Variants in HPSE2 observed in about 807,000 individuals in gnomAD.
HPSE2 encodes heparanase 2 (inactive), also known as inactive heparanase-2.
A neutral mutation model predicts 60.5 loss-of-function variants in HPSE2; 38 were observed. That is an observed-to-expected ratio of 0.63 (90% CI 0.48 to 0.82). HPSE2 has a LOEUF of 0.82. Among genes scored for constraint, HPSE2 ranks in the 40% least tolerant of loss-of-function variants. HPSE2 has a pLI of 0.00. For synonymous variants in HPSE2, 295 were observed against 293.2 expected (o/e 1.01, Z -0.06); for missense variants, 713 against 740.4 (o/e 0.96, Z 0.43).
At chr10:98,946,472 CAA>C (rs61591255) in intron 3 of HPSE2, among the ~76,000 whole-genome samples, 20,940 of 93,008 alleles carry the variant, frequency 0.23, 2,113 homozygotes, top group African/African-American at 0.37. Context: ...GACCCTCACT[CAA>C]AAAAAAAAAA....
chr10:98,776,080 C>G (rs764031067), intron 3 of HPSE2, among the ~76,000 whole-genome samples: 23 of 152,212 alleles, frequency 1.5e-4, no homozygotes, highest in Non-Finnish European at 2.5e-4. Context: ...CCACAGCCTT[C>G]CCATTTAGCA....
chr10:98,467,738 A>T (rs1940602422), intron 11 of HPSE2, among the ~76,000 whole-genome samples: 1 of 152,246 alleles, frequency 6.6e-6, no homozygotes. Flanking sequence ...AGGCCGGGAG[A>T]TGTGCCCTGC....
At chr10:99,292,992 C>T in the HPSE2 span, among the ~76,000 whole-genome samples, 17 of 152,250 alleles carry the variant, frequency 1.1e-4, no homozygotes, top group African/African-American at 2.6e-4. Flanking sequence ...TCTCTATTTT[C>T]GCCTCTCCCT....
chr10:98,782,919 T>TATTA (rs1283728955), intron 3 of HPSE2, among the ~76,000 whole-genome samples: 4 of 44,370 alleles, frequency 9.0e-5, no homozygotes, highest in Non-Finnish European at 1.6e-4. Context: ...TTTATTTTTT[T>TATTA]TTTTTTATTT....
At chr10:99,280,766 C>T in the HPSE2 span, among the ~76,000 whole-genome samples, 1 of 152,188 alleles carries the variant, frequency 6.6e-6, no homozygotes, top group Non-Finnish European at 1.5e-5. Context: ...TATTAAAATT[C>T]CAGCTCTGGA....
intron 9 of HPSE2, among the ~76,000 whole-genome samples, chr10:98,571,747 A>C (rs1003691820): frequency 6.6e-6 from 1 of 152,170 alleles, no homozygotes; most frequent in African/African-American, 2.4e-5. Flanking sequence ...CCTTCGAGAC[A>C]AAGTTCCATA....
chr10:98,872,599 T>A (rs2134836923), intron 3 of HPSE2, among the ~76,000 whole-genome samples: 1 of 152,288 alleles, frequency 6.6e-6, no homozygotes, highest in Non-Finnish European at 1.5e-5. Flanking sequence ...CTAGTTATAC[T>A]TTTTAATCCA....
rs1206874409 is a variant in HPSE2 at position 99,232,471 on chromosome 10, A to G, written c.325T>C (p.Ser109Pro). ...KRLVTLARGL[S>P]PAFLRFGGKR... is the part of the protein sequence containing the mutation. ...CCCCCGAAGCGCAGAAAGGCGGGCG[A>G]AAGTCCCCGGGCCAGGGTCACCAAG... Residue 109 changes from serine to proline, a missense_variant, in exon 2 of 12, where the codon TCG (serine) becomes CCG (proline). Ser to Pro is a moderately conservative substitution (Grantham distance 74, BLOSUM62 -1). Coordinates refer to ENST00000370552, the MANE Select transcript of HPSE2 (RefSeq NM_021828.5). The G allele has an allele frequency of 1.3e-6, 2 of 1,556,940 alleles. No homozygotes were observed. The highest frequency in any genetic ancestry group is 1.7e-6 in the Non-Finnish European group (2 of 1,150,400).
chr10:99,114,571 T>C (rs774655492), intron 3 of HPSE2, among the ~76,000 whole-genome samples: 1 of 152,042 alleles, frequency 6.6e-6, no homozygotes, highest in Non-Finnish European at 1.5e-5. Context: ...AAGACAAAGT[T>C]TCAACAACTT....
At chr10:98,459,930 C>T (rs889642461) in intron 11 of HPSE2, among the ~76,000 whole-genome samples, 191 bp from the exon 12 acceptor site, 2 of 152,106 alleles carry the variant, frequency 1.3e-5, no homozygotes, top group African/African-American at 4.8e-5. Context: ...CCAACAACCC[C>T]CCCACTCCCC....
intron 9 of HPSE2, among the ~76,000 whole-genome samples, chr10:98,607,421 G>A (rs1359552791): frequency 1.3e-5 from 2 of 152,168 alleles, no homozygotes; most frequent in African/African-American, 4.8e-5. Flanking sequence ...TTCACATAAT[G>A]TGCTGTCATT....
At chr10:98,705,298 A>G (rs1177070065) in intron 5 of HPSE2, among the ~76,000 whole-genome samples, 2 of 152,220 alleles carry the variant, frequency 1.3e-5, no homozygotes, top group African/African-American at 2.4e-5. Flanking sequence ...ATGCTTTTAC[A>G]CTGTTGGTGG....
chr10:99,067,817 A>T (rs979909214), intron 3 of HPSE2, among the ~76,000 whole-genome samples: 1 of 152,124 alleles, frequency 6.6e-6, no homozygotes, highest in Non-Finnish European at 1.5e-5. Flanking sequence ...AATTATGCAA[A>T]TTTCTGCAGC....
chr10:99,070,713 T>G (rs1842760601), intron 3 of HPSE2, among the ~76,000 whole-genome samples: 1 of 152,188 alleles, frequency 6.6e-6, no homozygotes. Flanking sequence ...CTGATTCCAT[T>G]GGTTTGGCTA....
intron 9 of HPSE2, among the ~76,000 whole-genome samples, chr10:98,561,101 G>T (rs1160754083): frequency 6.6e-6 from 1 of 151,906 alleles, no homozygotes; most frequent in Non-Finnish European, 1.5e-5. Flanking sequence ...CCAGGCCATG[G>T]AACTAGACTT....
At chr10:99,289,438 G>T in the HPSE2 span, among the ~76,000 whole-genome samples, 1 of 151,868 alleles carries the variant, frequency 6.6e-6, no homozygotes, top group Non-Finnish European at 1.5e-5. Flanking sequence ...ATTACTGGTG[G>T]CAATTTTTAG....
the HPSE2 span, among the ~76,000 whole-genome samples, chr10:99,300,029 A>AT: frequency 2.7e-4 from 1 of 3,714 alleles, no homozygotes; most frequent in South Asian, 0.013. Context: ...AGGGAGAGGC[A>AT]AAAAAAAAAA....
At chr10:99,244,593 T>C in the HPSE2 span, among the ~76,000 whole-genome samples, 4 of 123,088 alleles carry the variant, frequency 3.2e-5, no homozygotes, top group Non-Finnish European at 7.1e-5. Context: ...TTTTTTTTTG[T>C]AGAGGCAGGG....
chr10:99,053,013 T>C (rs1007165602), intron 3 of HPSE2, among the ~76,000 whole-genome samples: 1 of 145,598 alleles, frequency 6.9e-6, no homozygotes, highest in Non-Finnish European at 1.5e-5. Flanking sequence ...TAACAGATGG[T>C]ATTTTCCATC....
Sources: gnomAD v4.1 joint callset for allele counts (sites outside exome capture counted in the v4.1 genomes callset) on GRCh38, gnomAD v4.1.1 for gene constraint, MANE v1.5 for transcripts, NCBI Gene and HGNC (gene_info 2026-07-23, HGNC 2026-07-21) for gene names.